Variants in KLHL22 observed in about 807,000 individuals in gnomAD.
KLHL22 encodes kelch-like protein 22.
KLHL22 carries 18 observed loss-of-function variants against 60.7 expected under a neutral mutation model. The ratio of observed to expected loss-of-function variants is 0.30; its 90% confidence interval spans 0.20 to 0.44. KLHL22 has a LOEUF of 0.44. Among genes scored for constraint, KLHL22 ranks in the 20% least tolerant of loss-of-function variants. KLHL22 has a pLI of 1.00. For missense variants in KLHL22, 596 were observed against 852.3 expected (o/e 0.70, Z 3.74); for synonymous variants, 355 against 354.5 (o/e 1.00, Z -0.01).
chr22:20,450,337 T>C (rs2052956337), intron 5 of KLHL22: 1 of 1,287,194 alleles, frequency 7.8e-7, no homozygotes, highest in Non-Finnish European at 1.1e-6. Context: ...GGAAACCCTA[T>C]GTTGACATCC....
At chr22:20,462,113 A>C (rs1206487636) in intron 4 of KLHL22, among the ~76,000 whole-genome samples, 1 of 151,434 alleles carries the variant, frequency 6.6e-6, no homozygotes, top group Non-Finnish European at 1.5e-5. Flanking sequence ...ACAAAAAAAC[A>C]AAAAAACAAA....
intron 5 of KLHL22, among the ~76,000 whole-genome samples, chr22:20,452,110 C>A (rs76649694): frequency 0.033 from 5,068 of 152,068 alleles, 110 homozygotes; most frequent in South Asian, 0.1. Context: ...CCTGTCATTT[C>A]TAACTTACCA....
chr22:20,483,999 T>A (rs941130289), intron 2 of KLHL22: 3 of 717,216 alleles, frequency 4.2e-6, no homozygotes, highest in Non-Finnish European at 7.7e-6. Context: ...GGTGCCTGCA[T>A]AGACGCTGGC....
At chr22:20,474,691 C>T (rs977644541) in intron 2 of KLHL22, among the ~76,000 whole-genome samples, 1 of 152,220 alleles carries the variant, frequency 6.6e-6, no homozygotes, top group African/African-American at 2.4e-5. Flanking sequence ...CGCGCCCAGC[C>T]AGCTGTCTCA....
intron 2 of KLHL22, among the ~76,000 whole-genome samples, chr22:20,487,701 A>T (rs1490120486): frequency 2.6e-5 from 4 of 152,112 alleles, no homozygotes; most frequent in Admixed American, 6.6e-5. Context: ...GGTTTACCCA[A>T]GGGGGGCTGT....
intron 4 of KLHL22, among the ~76,000 whole-genome samples, chr22:20,458,427 C>T (rs1257517356): frequency 1.3e-5 from 2 of 149,182 alleles, no homozygotes; most frequent in South Asian, 2.1e-4. Flanking sequence ...ACTACAGGTG[C>T]GCACCACAAC....
chr22:20,471,282 G>T (rs1014927752), intron 3 of KLHL22, 68 bp downstream of exon 3: 1 of 1,470,136 alleles, frequency 6.8e-7, no homozygotes. Flanking sequence ...TGCCCGGCAG[G>T]CATCATGGGC....
At chr22:20,443,864 A>G (rs915559163) in intron 6 of KLHL22, among the ~76,000 whole-genome samples, 4 of 152,130 alleles carry the variant, frequency 2.6e-5, no homozygotes, top group African/African-American at 7.2e-5. Flanking sequence ...CCTGGCCGAC[A>G]TGGCAAAACC....
intron 2 of KLHL22, among the ~76,000 whole-genome samples, chr22:20,486,330 T>C (rs931000777): frequency 4.6e-5 from 7 of 152,100 alleles, no homozygotes; most frequent in Admixed American, 3.9e-4. Context: ...TTCCACCAGG[T>C]CCTGAGGTTT....
chr22:20,454,694 A>G (rs1330117134), intron 5 of KLHL22, among the ~76,000 whole-genome samples: 1 of 152,162 alleles, frequency 6.6e-6, no homozygotes, highest in African/African-American at 2.4e-5. Context: ...ATACTATATC[A>G]ATATGAGGAA....
chr22:20,476,927 G>A (rs995395432), intron 2 of KLHL22, among the ~76,000 whole-genome samples: 3 of 148,516 alleles, frequency 2.0e-5, no homozygotes, highest in Non-Finnish European at 3.0e-5. Context: ...GACTGGTCTC[G>A]AACTCCTGAC....
chr22:20,473,638 G>A (rs1331193337), intron 2 of KLHL22, among the ~76,000 whole-genome samples: 1 of 152,208 alleles, frequency 6.6e-6, no homozygotes, highest in Non-Finnish European at 1.5e-5. Context: ...GACTTTGGGA[G>A]GCCGAGGCAG....
chr22:20,447,424 T>G (rs931310392), intron 5 of KLHL22, among the ~76,000 whole-genome samples: 1 of 152,098 alleles, frequency 6.6e-6, no homozygotes, highest in Admixed American at 6.5e-5. Flanking sequence ...ACTGAGGCCA[T>G]GCGGGTGGCA....
chr22:20,488,923 T>A, intron 2 of KLHL22, 62 bp downstream of exon 2: 1 of 1,495,632 alleles, frequency 6.7e-7, no homozygotes, highest in Non-Finnish European at 9.1e-7. Context: ...CGCCAGTACC[T>A]TTACTAGCAG....
intron 5 of KLHL22, among the ~76,000 whole-genome samples, chr22:20,449,710 A>G (rs2146177180): frequency 6.6e-6 from 1 of 152,254 alleles, no homozygotes; most frequent in East Asian, 1.9e-4. Context: ...CTGGCCGTTT[A>G]TTGAGTTTTA....
chr22:20,487,157 T>G (rs1452523801), intron 2 of KLHL22, among the ~76,000 whole-genome samples: 1 of 152,110 alleles, frequency 6.6e-6, no homozygotes, highest in Non-Finnish European at 1.5e-5. Context: ...TAATCTCAGG[T>G]GATCCACCCG....
At position 20,470,471 on chromosome 22, in the gene KLHL22, CTCTA is replaced by C. The variant is rs761899810; in HGVS notation, c.393+875_393+878del. Among the ~76,000 whole-genome samples the C allele has an allele frequency of 9.7e-4, 148 of 152,198 alleles. 2 individuals are homozygous for C. The Middle Eastern group carries it at 0.01, about 11-fold the overall frequency. On this transcript the variant is annotated intron_variant, in intron 3 of 6. Coordinates refer to ENST00000328879, the MANE Select transcript of KLHL22 (RefSeq NM_032775.4). ...GACTAGCCTAAGCAACAAAGCAAGC[CTCTA>C]TCTCTATAAAAATAATTTAAAAATT...
intron 4 of KLHL22, among the ~76,000 whole-genome samples, chr22:20,460,435 C>T (rs2146205076): frequency 6.6e-6 from 1 of 151,796 alleles, no homozygotes; most frequent in South Asian, 2.1e-4. Flanking sequence ...GGTGAAACCC[C>T]GTCTCCACTA....
intron 3 of KLHL22, among the ~76,000 whole-genome samples, chr22:20,470,637 A>C (rs1439951865): frequency 6.6e-6 from 1 of 152,194 alleles, no homozygotes; most frequent in Non-Finnish European, 1.5e-5. Flanking sequence ...CAAGAGAGAG[A>C]GAGCTTGTCT....
Sources: gnomAD v4.1 joint callset for allele counts (sites outside exome capture counted in the v4.1 genomes callset) on GRCh38, gnomAD v4.1.1 for gene constraint, MANE v1.5 for transcripts, NCBI Gene and HGNC (gene_info 2026-07-23, HGNC 2026-07-21) for gene names.